The following ISLR2 variants were observed in gnomAD, a reference collection of about 807,000 sequenced individuals.
ISLR2 encodes immunoglobulin superfamily containing leucine-rich repeat protein 2.
Under a neutral mutation model 25.5 loss-of-function variants are expected in ISLR2, and 16 were observed. The observed-to-expected ratio is 0.63, with a 90% CI of 0.43 to 0.95. The LOEUF is 0.95. Among genes scored for constraint, ISLR2 ranks in the 40% least tolerant of loss-of-function variants. The pLI is 0.00. For missense variants in ISLR2, 883 were observed against 1,030.7 expected (o/e 0.86, Z 1.96); for synonymous variants, 508 against 486.6 (o/e 1.04, Z -0.58).
rs745490601 is a variant in ISLR2 at position 74,133,664 on chromosome 15, G to A, written c.910G>A (p.Gly304Arg). 4 of 1,610,602 alleles carry A rather than the reference G, an allele frequency of 2.5e-6. No individual in the cohort carries two copies. Among genetic ancestry groups the A allele is most frequent in the Middle Eastern group, 1.6e-4 (1 of 6,080 alleles). ...GVGAEEGEGEGDGDLLTQTQA... is the reference protein window; with the variant it reads ...GVGAEEGEGERDGDLLTQTQA... ...TGGGGCGGAGGAAGGAGAGGGAGAA[G>A]GAGATGGGGATTTGCTGACGCAGAC... The change falls in exon 3 of 3, where the codon GGA (glycine) becomes AGA (arginine). Residue 304 changes from glycine to arginine, a missense_variant. Physicochemically the swap from Gly to Arg is moderately radical, Grantham distance 125. Transcript: ENST00000453268.
intron 2 of ISLR2, among the ~76,000 whole-genome samples, chr15:74,119,842 T>C (rs2072238868): frequency 1.3e-5 from 2 of 152,192 alleles, no homozygotes; most frequent in South Asian, 4.1e-4. Flanking sequence ...CAGCCTTTTA[T>C]ACATGAGGTC....
At chr15:74,120,194 G>A (rs1437068001) in intron 2 of ISLR2, among the ~76,000 whole-genome samples, 1 of 152,190 alleles carries the variant, frequency 6.6e-6, no homozygotes, top group African/African-American at 2.4e-5. Flanking sequence ...TCACTAGGGT[G>A]TAAATGACTC....
downstream of ISLR2, chr15:74,138,213 A>G (rs189896289): frequency 2.2e-3 from 334 of 149,046 alleles, no homozygotes; most frequent in African/African-American, 7.9e-3. Flanking sequence ...CACTCCTGTT[A>G]CTCCTAACAC....
intron 2 of ISLR2, among the ~76,000 whole-genome samples, chr15:74,110,828 G>A (rs1255646825): frequency 1.3e-5 from 2 of 152,180 alleles, no homozygotes; most frequent in Non-Finnish European, 2.9e-5. Flanking sequence ...GCGTGGTGGC[G>A]GGCACCTGTA....
chr15:74,122,149 C>T (rs1261309762), intron 2 of ISLR2, among the ~76,000 whole-genome samples: 1 of 152,246 alleles, frequency 6.6e-6, no homozygotes, highest in Non-Finnish European at 1.5e-5. Context: ...CCAGACTGCC[C>T]AGATAGGCTG....
intron 2 of ISLR2, among the ~76,000 whole-genome samples, chr15:74,108,061 A>G (rs1310911395): frequency 6.6e-6 from 1 of 152,202 alleles, no homozygotes; most frequent in Non-Finnish European, 1.5e-5. Context: ...AGGTGTCGAC[A>G]GCCCTGGCCC....
At chr15:74,110,509 T>C (rs2072156794) in intron 2 of ISLR2, among the ~76,000 whole-genome samples, 1 of 152,326 alleles carries the variant, frequency 6.6e-6, no homozygotes, top group Non-Finnish European at 1.5e-5. Flanking sequence ...ATCCATTCTA[T>C]GAAATACTAT....
chr15:74,133,757 C>A lies in ISLR2; in HGVS notation c.1003C>A (p.Leu335Ile). Residue 335 changes from leucine to isoleucine, a missense_variant, in exon 3 of 3, where the codon CTC (leucine) becomes ATC (isoleucine). Leu to Ile is a conservative substitution (Grantham distance 5). Transcript: ENST00000453268. ...APPATPRFLA[L>I]ANGSLLVPLL... The stretch of plus-strand genomic sequence containing the variant: ...CCCAGCCACACCGCGCTTCCTGGCC[C>A]TCGCAAATGGCTCCCTGTTGGTGCC... 6.2e-7 allele frequency: 1 copy of A among 1,613,604 alleles called. No homozygotes were observed. The highest frequency in any genetic ancestry group is 1.1e-5 in the South Asian group (1 of 90,944).
At chr15:74,139,309 A>T (rs1251511358), downstream of ISLR2, among the ~76,000 whole-genome samples, 1 of 152,158 alleles carries the variant, frequency 6.6e-6, no homozygotes, top group Non-Finnish European at 1.5e-5. Flanking sequence ...TTCTGTCCAA[A>T]TGTTTGGCCA....
At chr15:74,115,265 T>C (rs563490894) in intron 2 of ISLR2, among the ~76,000 whole-genome samples, 1 of 152,324 alleles carries the variant, frequency 6.6e-6, no homozygotes, top group African/African-American at 2.4e-5. Flanking sequence ...TAACAAAGAT[T>C]GAAAGCAAAC....
downstream of ISLR2, among the ~76,000 whole-genome samples, chr15:74,140,753 C>A (rs111260925): frequency 1.1e-4 from 17 of 152,286 alleles, 2 homozygotes; most frequent in African/African-American, 4.1e-4. Flanking sequence ...TCGGAGGAAG[C>A]AAGTGGAGCC....
chr15:74,128,868 A>ACCC, upstream of ISLR2: 1 of 216,330 alleles, frequency 4.6e-6, no homozygotes. Flanking sequence ...CCCCGCCCCC[A>ACCC]CCCCCACCTT....
chr15:74,114,773 C>CAG (rs1473808405), intron 2 of ISLR2, among the ~76,000 whole-genome samples: 1 of 152,068 alleles, frequency 6.6e-6, no homozygotes, highest in African/African-American at 2.4e-5. Flanking sequence ...ACAGGTCGAG[C>CAG]AGAACTATGA....
chr15:74,133,267 C>T lies in ISLR2; in HGVS notation c.513C>T (p.Ser171=), dbSNP rs2072470997. 1 of 1,611,430 alleles carries T rather than the reference C, an allele frequency of 6.2e-7. No individual in the cohort carries two copies. Among genetic ancestry groups the T allele is most frequent in the Non-Finnish European group, 8.5e-7 (1 of 1,179,988 alleles). Residue 171 remains serine (S), a synonymous_variant, in exon 3 of 3, where the codon AGC becomes AGT. Coordinates refer to ENST00000453268, the MANE Select transcript of ISLR2 (RefSeq NM_020851.3). ...CGCCTGGCACCTTCGACGCGCTTAG[C>T]GCGCTGTCACACTTGCAACTCTATC... ...TLAPGTFDAL[S]ALSHLQLYHN...
chr15:74,134,144 C>T lies in ISLR2; in HGVS notation c.1390C>T (p.Pro464Ser), dbSNP rs1010480918. ...AEEQRCGNGD[P>S]SRYVSNHAFN... ...GGAGCAGCGCTGTGGCAACGGGGAC[C>T]CCTCTCGGTACGTTTCTAACCACGC... Residue 464 changes from proline (P) to serine (S), a missense_variant, in exon 3 of 3, where the codon CCC (proline) becomes TCC (serine). Coordinates refer to ENST00000453268, the MANE Select transcript of ISLR2 (RefSeq NM_020851.3). 7 of 1,613,368 alleles carry T rather than the reference C, an allele frequency of 4.3e-6. No homozygotes were observed. In the African/African-American group the frequency reaches 5.3e-5, roughly 12 times the overall value.
chr15:74,133,593 C>A lies in ISLR2; in HGVS notation c.839C>A (p.Thr280Asn). The change falls in exon 3 of 3, where the codon ACC (threonine) becomes AAC (asparagine). Residue 280 changes from threonine to asparagine, a missense_variant. Physicochemically the swap from Thr to Asn is moderately conservative, Grantham distance 65 (BLOSUM62 0). Coordinates refer to ENST00000453268, the MANE Select transcript of ISLR2 (RefSeq NM_020851.3). ...TGGCAACTTCAGATCCCCGGTGGCACCGTAGTCTTAGAGCCACCGGTTCTG... is the reference window on the plus strand; with the variant it reads ...TGGCAACTTCAGATCCCCGGTGGCAACGTAGTCTTAGAGCCACCGGTTCTG... ...LQWQLQIPGG[T>N]VVLEPPVLSG... 1.9e-6 allele frequency: 3 copies of A among 1,614,162 alleles called. No homozygotes were observed. Among genetic ancestry groups the A allele is most frequent in the Non-Finnish European group, 2.5e-6 (3 of 1,180,022 alleles).
At chr15:74,116,085 T>C (rs1457571145) in intron 2 of ISLR2, among the ~76,000 whole-genome samples, 1 of 151,824 alleles carries the variant, frequency 6.6e-6, no homozygotes, top group Non-Finnish European at 1.5e-5. Context: ...TAGTCCCAGC[T>C]ACTCAGGAGG....
chr15:74,106,631 G>A (rs7167322), intron 2 of ISLR2, among the ~76,000 whole-genome samples: 12,605 of 152,076 alleles, frequency 0.083, 1,026 homozygotes, highest in African/African-American at 0.2. Context: ...GGTTCTTTAC[G>A]TCCACACAAG....
upstream of ISLR2, chr15:74,127,330 G>A (rs1567158404): frequency 6.6e-6 from 1 of 152,108 alleles, no homozygotes; most frequent in Non-Finnish European, 1.5e-5. Context: ...TATTTTAATA[G>A]GCCCCTGACA....
Sources: gnomAD v4.1 joint callset for allele counts (sites outside exome capture counted in the v4.1 genomes callset) on GRCh38, gnomAD v4.1.1 for gene constraint, MANE v1.5 for transcripts, NCBI Gene and HGNC (gene_info 2026-07-23, HGNC 2026-07-21) for gene names.